The following SCN9A variants were observed in gnomAD, a reference collection of about 807,000 sequenced individuals.
The protein encoded by SCN9A is sodium voltage-gated channel alpha subunit 9.
In SCN9A, 131 loss-of-function variants were observed where a neutral mutation model predicts 187.0. That is an observed-to-expected ratio of 0.70 (90% CI 0.61 to 0.81). The LOEUF is 0.81. Among genes scored for constraint, SCN9A ranks in the 30% least tolerant of loss-of-function variants. The pLI is 0.00. For synonymous variants in SCN9A, 809 were observed against 808.6 expected, an observed-to-expected ratio of 1.00 and a Z score of -0.01; for missense variants, 2,252 against 2,396.6, an observed-to-expected ratio of 0.94 and a Z score of 1.26.
chr2:166,355,628 T>A (rs1329574793), intron 1 of SCN9A, among the ~76,000 whole-genome samples: 1 of 152,100 alleles, frequency 6.6e-6, no homozygotes, highest in Non-Finnish European at 1.5e-5. Flanking sequence ...TAAAACTGGT[T>A]TTCAAAAATG....
chr2:166,344,827 A>G (rs1426165060), intron 1 of SCN9A, among the ~76,000 whole-genome samples: 1 of 152,186 alleles, frequency 6.6e-6, no homozygotes, highest in Non-Finnish European at 1.5e-5. Flanking sequence ...ATTAGATGAG[A>G]AAACCCAAAA....
At chr2:166,200,244 G>C (rs1047644530) in intron 26 of SCN9A, among the ~76,000 whole-genome samples, 1 of 151,096 alleles carries the variant, frequency 6.6e-6, no homozygotes, top group Admixed American at 6.6e-5. Context: ...TGATCCGCCC[G>C]CCTCGGCCTC....
In SCN9A at chr2:166,199,849, T is replaced by A. The variant is rs201783312; in HGVS notation, c.4790A>T (p.Asp1597Val). The change falls in exon 27 of 27, where the codon GAT becomes GTT. Residue 1597 changes from aspartate to valine, a missense_variant. This residue lies in a region of SCN9A where 368 missense variants were observed against 408.6 expected (regional missense o/e 0.90). Coordinates refer to ENST00000642356, the MANE Select transcript of SCN9A (RefSeq NM_001365536.1). ...IISIVGMFLA[D>V]LIETYFVSPT... ...GGACACAAAATACGTTTCAATCAAATCAGCTAGAAACATACCTGTATGTGG... is the reference window on the plus strand; with the variant it reads ...GGACACAAAATACGTTTCAATCAAAACAGCTAGAAACATACCTGTATGTGG... The A allele has an allele frequency of 1.2e-6, 2 of 1,613,634 alleles. No homozygotes were observed. Among genetic ancestry groups the A allele is most frequent in the Non-Finnish European group, 1.7e-6 (2 of 1,179,814 alleles).
chr2:166,322,006 T>G (rs1316324386), intron 1 of SCN9A, among the ~76,000 whole-genome samples: 1 of 152,148 alleles, frequency 6.6e-6, no homozygotes, highest in Admixed American at 6.5e-5. Context: ...ACATTAGGTC[T>G]TTCCTAGCAT....
At chr2:166,321,736 T>A (rs542580556) in intron 1 of SCN9A, among the ~76,000 whole-genome samples, 29 of 152,102 alleles carry the variant, frequency 1.9e-4, no homozygotes, top group African/African-American at 6.7e-4. Flanking sequence ...TTCTCAACAT[T>A]TTAAGCATCA....
intron 17 of SCN9A, among the ~76,000 whole-genome samples, chr2:166,255,653 A>T (rs1364034927): frequency 6.7e-6 from 1 of 150,324 alleles, no homozygotes; most frequent in African/African-American, 2.4e-5. Context: ...AAAATGTTAC[A>T]TTTCAAGTAC....
rs796250592 is a variant in SCN9A at position 166,222,862 on chromosome 2, C to T, written c.4398+3705G>A. On this transcript the variant is annotated intron_variant, in intron 24 of 26. Transcript: ENST00000642356. ...AGGAGAATGGCGTGAACCCGGGAGG[C>T]GGAGCTTGCAGTGAGTCGAGATCGC... Among the ~76,000 whole-genome samples the T allele has an allele frequency of 4.3e-4, 54 of 125,408 alleles. 2 individuals carry two copies. Among genetic ancestry groups the T allele is most frequent in the African/African-American group, 1.7e-3 (52 of 31,272 alleles). The allele number at this position is 125,408 out of a possible 152,430, so 82.3% of individuals were successfully genotyped here.
intron 1 of SCN9A, among the ~76,000 whole-genome samples, chr2:166,366,678 C>T (rs2105323569): frequency 6.6e-6 from 1 of 152,300 alleles, no homozygotes; most frequent in East Asian, 1.9e-4. Flanking sequence ...TAACAGCCAT[C>T]TTAACAGGTG....
chr2:166,355,885 G>C (rs1700141718), intron 1 of SCN9A, among the ~76,000 whole-genome samples: 1 of 151,544 alleles, frequency 6.6e-6, no homozygotes, highest in Non-Finnish European at 1.5e-5. Flanking sequence ...TGATTCTCCT[G>C]CCTCAGCCTC....
Position 166,306,560 on chromosome 2 carries a change from G to T in SCN9A, c.417C>A (p.Asn139Lys), listed in dbSNP as rs1553496443. 1 of 1,584,350 alleles carries T rather than the reference G, an allele frequency of 6.3e-7. No homozygotes were observed. The highest frequency in any genetic ancestry group is 8.6e-7 in the Non-Finnish European group (1 of 1,162,836). ...SMLIMCTILTNCIFMTMNNPP... is the reference protein window; with the variant it reads ...SMLIMCTILTKCIFMTMNNPP... ...GGTTATTCATGGTCATAAATATGCAGTTTGTCAGAATAGTGCACATGATGA... is the reference window on the plus strand; with the variant it reads ...GGTTATTCATGGTCATAAATATGCATTTTGTCAGAATAGTGCACATGATGA... Residue 139 changes from asparagine to lysine, a missense_variant, in exon 4 of 27, where the codon AAC (asparagine) becomes AAA (lysine). Physicochemically the swap from Asn to Lys is moderately conservative, Grantham distance 94. Transcript: ENST00000642356.
intron 24 of SCN9A, 137 bp downstream of exon 24, chr2:166,226,430 A>T (rs1694842729): frequency 3.2e-6 from 2 of 626,804 alleles, no homozygotes; most frequent in Non-Finnish European, 5.4e-6. Context: ...ATTGTATACT[A>T]GTCAATTATT....
At chr2:166,282,578 A>G (rs1219724530) in intron 12 of SCN9A, among the ~76,000 whole-genome samples, 1 of 151,914 alleles carries the variant, frequency 6.6e-6, no homozygotes, top group Non-Finnish European at 1.5e-5. Context: ...ACACACACAC[A>G]CTCACACACA....
chr2:166,303,973 T>C, intron 6 of SCN9A: 1 of 1,496,660 alleles, frequency 6.7e-7, no homozygotes, highest in South Asian at 1.2e-5. Context: ...GAAAGGTTTT[T>C]TTTATGTCTT....
chr2:166,359,896 C>T (rs1178309249), intron 1 of SCN9A, among the ~76,000 whole-genome samples: 1 of 151,134 alleles, frequency 6.6e-6, no homozygotes, highest in Non-Finnish European at 1.5e-5. Flanking sequence ...TATGTATAGC[C>T]TTTTAAAATA....
intron 1 of SCN9A, among the ~76,000 whole-genome samples, chr2:166,355,478 T>A (rs1415372756): frequency 6.6e-6 from 1 of 152,096 alleles, no homozygotes; most frequent in East Asian, 1.9e-4. Context: ...TCTATTGAAA[T>A]ATTCATTATT....
At chr2:166,308,925 CAAAAAAAAAAAA>C (rs397986566) in intron 2 of SCN9A, among the ~76,000 whole-genome samples, 3 of 78,154 alleles carry the variant, frequency 3.8e-5, no homozygotes, top group African/African-American at 9.6e-5. Context: ...GACTCTGTCT[CAAAAAAAAAAAA>C]AAAAAAAAGA....
intron 21 of SCN9A, among the ~76,000 whole-genome samples, chr2:166,229,826 T>C (rs772048250): frequency 6.6e-6 from 1 of 152,202 alleles, no homozygotes; most frequent in Admixed American, 6.5e-5. Context: ...GCAATTCCTG[T>C]GGCATTTAAC....
At chr2:166,208,408 A>C (rs1156554501) in intron 24 of SCN9A, among the ~76,000 whole-genome samples, 1 of 152,228 alleles carries the variant, frequency 6.6e-6, no homozygotes, top group Non-Finnish European at 1.5e-5. Flanking sequence ...TATCTGGCAC[A>C]TGGTAAGTCT....
chr2:166,330,629 T>C (rs1220370685), intron 1 of SCN9A, among the ~76,000 whole-genome samples: 1 of 152,106 alleles, frequency 6.6e-6, no homozygotes, highest in Non-Finnish European at 1.5e-5. Context: ...TGGAAGACAA[T>C]TTTTTCAGGG....
Sources: allele counts gnomAD v4.1 joint callset (sites outside exome capture counted in the v4.1 genomes callset), GRCh38; gene constraint gnomAD v4.1.1; regional missense constraint gnomAD v4.1.1; transcripts MANE v1.5; gene names NCBI Gene and HGNC (gene_info 2026-07-23, HGNC 2026-07-21).